SHISA9: variants seen among roughly 807,000 people sequenced by gnomAD.
SHISA9 encodes protein shisa-9.
A neutral mutation model predicts 38.0 loss-of-function variants in SHISA9; 13 were observed. The ratio of observed to expected loss-of-function variants is 0.34; its 90% CI spans 0.22 to 0.54. The LOEUF (loss-of-function observed/expected upper bound fraction) is 0.54. SHISA9 is among the 20% of genes least tolerant of loss of function. The pLI is 0.91. For synonymous variants in SHISA9, 275 were observed against 242.0 expected (o/e 1.14, Z -1.27); for missense variants, 538 against 575.8 (o/e 0.93, Z 0.67).
intron 2 of SHISA9, among the ~76,000 whole-genome samples, chr16:13,115,615 G>C (rs944332362): frequency 2.6e-5 from 4 of 152,228 alleles, no homozygotes; most frequent in Non-Finnish European, 5.9e-5. Context: ...CAGTGCTGCA[G>C]AGATTTTATT....
At chr16:13,392,768 A>G in the SHISA9 span, among the ~76,000 whole-genome samples, 1 of 152,246 alleles carries the variant, frequency 6.6e-6, no homozygotes, top group Admixed American at 6.5e-5. Context: ...CACGGAGAAC[A>G]CTGTGTGAAG....
intron 2 of SHISA9, among the ~76,000 whole-genome samples, chr16:13,184,390 C>T (rs767830183): frequency 5.8e-4 from 88 of 152,196 alleles, no homozygotes; most frequent in Non-Finnish European, 1.1e-3. Context: ...AGAGAGCTCT[C>T]ACCGTTTCTG....
chr16:12,957,930 C>T (rs1037575655), intron 2 of SHISA9, among the ~76,000 whole-genome samples: 2 of 152,122 alleles, frequency 1.3e-5, no homozygotes, highest in Admixed American at 1.3e-4. Flanking sequence ...CAAGGGGGCT[C>T]GACTTTCAAG....
chr16:12,941,834 G>C (rs1301255844), intron 2 of SHISA9, among the ~76,000 whole-genome samples: 1 of 152,200 alleles, frequency 6.6e-6, no homozygotes, highest in Admixed American at 6.5e-5. Flanking sequence ...CTTGGTGACA[G>C]AGCAAGACTC....
At chr16:13,230,721 A>T (rs1481384981) in intron 4 of SHISA9, among the ~76,000 whole-genome samples, 2 of 152,130 alleles carry the variant, frequency 1.3e-5, no homozygotes, top group African/African-American at 4.8e-5. Flanking sequence ...GAAGTAGAGG[A>T]ATAAAAGAAT....
chr16:13,447,341 G>A, the SHISA9 span, among the ~76,000 whole-genome samples: 3 of 151,986 alleles, frequency 2.0e-5, no homozygotes, highest in South Asian at 2.1e-4. Flanking sequence ...TATGGATTGC[G>A]GATTTGCGTT....
chr16:13,008,369 T>A (rs1407179579), intron 2 of SHISA9, among the ~76,000 whole-genome samples: 1 of 152,202 alleles, frequency 6.6e-6, no homozygotes, highest in Non-Finnish European at 1.5e-5. Context: ...TGCACTCGAA[T>A]CTTTGTCTCA....
At position 13,103,497 on chromosome 16, in the gene SHISA9, T is replaced by G. The variant is rs558304095; in HGVS notation, c.692-99897T>G. On this transcript the variant is annotated intron_variant, in intron 2 of 4. Coordinates refer to ENST00000558583, the MANE Select transcript of SHISA9 (RefSeq NM_001145204.3). ...ATGGGAAGAAAGCCAGGGACACAGGTGTTTGCAGAGCCACAAGAATCTCAG... is the reference window on the plus strand; with the variant it reads ...ATGGGAAGAAAGCCAGGGACACAGGGGTTTGCAGAGCCACAAGAATCTCAG... Among the ~76,000 whole-genome samples the G allele has an allele frequency of 2.0e-4, 31 of 152,110 alleles. No homozygotes were observed. In the South Asian group the frequency reaches 6.2e-3, roughly 31 times the overall value.
chr16:13,544,471 C>G, the SHISA9 span, among the ~76,000 whole-genome samples: 1 of 129,180 alleles, frequency 7.7e-6, no homozygotes, highest in Non-Finnish European at 1.6e-5. Flanking sequence ...TGTATTTCCA[C>G]TTTGCACGGA....
intron 2 of SHISA9, among the ~76,000 whole-genome samples, chr16:13,086,550 A>T (rs934704420): frequency 2.0e-5 from 3 of 152,126 alleles, no homozygotes; most frequent in Admixed American, 2.0e-4. Context: ...TCCAGAGTAG[A>T]TAAGAAACAT....
At chr16:13,241,797 G>A (rs1258470709), downstream of SHISA9, among the ~76,000 whole-genome samples, 1 of 152,174 alleles carries the variant, frequency 6.6e-6, no homozygotes, top group Non-Finnish European at 1.5e-5. Flanking sequence ...ATCACCCAGA[G>A]CAGATCCCCT....
At chr16:13,510,256 C>T in the SHISA9 span, among the ~76,000 whole-genome samples, 5 of 152,210 alleles carry the variant, frequency 3.3e-5, no homozygotes, top group African/African-American at 7.2e-5. Flanking sequence ...TTCAGTGAGC[C>T]GAGATTGTGC....
chr16:13,157,884 A>G (rs1363519658), intron 2 of SHISA9, among the ~76,000 whole-genome samples: 1 of 152,196 alleles, frequency 6.6e-6, no homozygotes, highest in Non-Finnish European at 1.5e-5. Context: ...AAGGCTGCTC[A>G]AGGCTCAGGA....
At chr16:13,422,851 T>G in the SHISA9 span, among the ~76,000 whole-genome samples, 1 of 152,210 alleles carries the variant, frequency 6.6e-6, no homozygotes, top group Non-Finnish European at 1.5e-5. Context: ...CAACTTTGTG[T>G]CTCCATTTCT....
chr16:13,277,057 T>G, the SHISA9 span, among the ~76,000 whole-genome samples: 6 of 152,166 alleles, frequency 3.9e-5, no homozygotes, highest in African/African-American at 1.4e-4. Flanking sequence ...GGTATTAGGT[T>G]TAAGTCCTTA....
At chr16:13,125,289 A>G (rs567199170) in intron 2 of SHISA9, among the ~76,000 whole-genome samples, 3 of 152,330 alleles carry the variant, frequency 2.0e-5, no homozygotes, top group East Asian at 3.9e-4. Flanking sequence ...TAATAATCTC[A>G]TAACAAATGG....
At chr16:13,346,956 G>C in the SHISA9 span, among the ~76,000 whole-genome samples, 2 of 152,168 alleles carry the variant, frequency 1.3e-5, no homozygotes, top group East Asian at 3.9e-4. Flanking sequence ...CTTCATGCTG[G>C]GTTTTGAGAT....
chr16:13,495,257 A>C, the SHISA9 span, among the ~76,000 whole-genome samples: 1 of 152,168 alleles, frequency 6.6e-6, no homozygotes, highest in African/African-American at 2.4e-5. Context: ...TAAGATCTGT[A>C]GTGTAGAAAA....
intron 2 of SHISA9, among the ~76,000 whole-genome samples, chr16:12,989,939 C>A (rs1375362314): frequency 2.6e-5 from 4 of 152,054 alleles, no homozygotes; most frequent in Admixed American, 1.3e-4. Context: ...CCTTTGCACC[C>A]CTCCTGACAG....
Sources: gnomAD v4.1 joint callset for allele counts (sites outside exome capture counted in the v4.1 genomes callset) on GRCh38, gnomAD v4.1.1 for gene constraint, MANE v1.5 for transcripts, NCBI Gene and HGNC (gene_info 2026-07-23, HGNC 2026-07-21) for gene names.